Variants in PDXDC1 observed in about 807,000 individuals in gnomAD.
PDXDC1 encodes the protein pyridoxal-dependent decarboxylase domain-containing protein 1.
In PDXDC1, 42 loss-of-function variants were observed where a neutral mutation model predicts 100.1. That is an observed-to-expected ratio of 0.42 (90% CI 0.33 to 0.54). The LOEUF (loss-of-function observed/expected upper bound fraction) is 0.54. PDXDC1 is among the 20% of genes least tolerant of loss of function. The pLI is 0.10. For missense variants in PDXDC1, 636 were observed against 979.2 expected, an observed-to-expected ratio of 0.65 and a Z score of 4.68; for synonymous variants, 260 against 371.7, an observed-to-expected ratio of 0.70 and a Z score of 3.46.
In PDXDC1 at chr16:14,975,163, G is replaced by T. The variant is rs1966603404; in HGVS notation, c.-37G>T. 2.1e-6 allele frequency: 3 copies of T among 1,461,594 alleles called. No homozygotes were observed. The highest frequency in any genetic ancestry group is 2.7e-5 in the East Asian group (1 of 37,088). 90.5% of individuals were successfully genotyped at this position (1,461,594 alleles called of 1,614,324 possible). A position where few individuals can be genotyped will look rare whatever the true frequency, so the allele number is the denominator to read the frequency against. On this transcript the variant is annotated 5_prime_UTR_variant, in exon 1 of 23. Coordinates refer to ENST00000396410, the MANE Select transcript of PDXDC1 (RefSeq NM_015027.4). ...GCGGGGCGCGGGAGGAGGAAGTAGA[G>T]CCCGGGACCGCCAGGCCACCACCGG...
intron 2 of PDXDC1, 68 bp from the exon 3 acceptor site, chr16:14,998,272 G>C: frequency 6.6e-7 from 1 of 1,523,320 alleles, no homozygotes; most frequent in Non-Finnish European, 9.0e-7. Context: ...GGTCATGTTT[G>C]CATATTCAGG....
At chr16:15,143,470 G>T (rs1323266247), downstream of PDXDC1, among the ~76,000 whole-genome samples, 1 of 152,186 alleles carries the variant, frequency 6.6e-6, no homozygotes, top group Non-Finnish European at 1.5e-5. Flanking sequence ...CCCGCCACCC[G>T]GGCGTGTGAA....
intron 16 of PDXDC1, among the ~76,000 whole-genome samples, chr16:15,101,355 C>A (rs1280040848): frequency 6.6e-6 from 1 of 152,318 alleles, no homozygotes; most frequent in Admixed American, 6.5e-5. Flanking sequence ...CTCGCTCTTT[C>A]ACCCAGGACG....
chr16:15,122,847 G>C (rs1174342213), intron 16 of PDXDC1, among the ~76,000 whole-genome samples: 1 of 126,212 alleles, frequency 7.9e-6, no homozygotes, highest in African/African-American at 3.0e-5. Context: ...GGAGGGGAAG[G>C]GGAGGGGAAG....
chr16:15,133,605 C>T (rs1351587765), intron 16 of PDXDC1: 72 of 1,191,204 alleles, frequency 6.0e-5, no homozygotes, highest in Non-Finnish European at 8.5e-5. Context: ...GAGAGGCTGC[C>T]CTTGTAGACA....
At position 14,999,241 on chromosome 16, in the gene PDXDC1, A is replaced by G. The variant is rs201193071; in HGVS notation, c.161+836A>G. Among the ~76,000 whole-genome samples the G allele has an allele frequency of 1.3e-3, 199 of 152,370 alleles. 4 individuals carry two copies. The East Asian group carries it at 0.024, about 19-fold the overall frequency. On this transcript the variant is annotated intron_variant, in intron 3 of 22. Transcript: ENST00000396410. ...ACCACCACGCCCAGCTAATTTTTGTATTTTTAGTAGAGACGGGGTTTCACC... is the reference window on the plus strand; with the variant it reads ...ACCACCACGCCCAGCTAATTTTTGTGTTTTTAGTAGAGACGGGGTTTCACC...
chr16:15,034,495 G>A lies in PDXDC1; in HGVS notation c.1944G>A (p.Leu648=). 1 of 1,614,162 alleles carries A rather than the reference G, an allele frequency of 6.2e-7. No individual in the cohort carries two copies. Among genetic ancestry groups the A allele is most frequent in the Non-Finnish European group, 8.5e-7 (1 of 1,180,036 alleles). ...LRQIPVVGSV[L]NWFSPVQALQ... ...AGATCCCTGTAGTGGGCTCCGTGCT[G>A]AATTGGTTTTCTCCGGTCCAGGCTT... Residue 648 remains leucine (L), a synonymous_variant, in exon 21 of 23, where the codon CTG becomes CTA. Transcript: ENST00000396410.
intron 16 of PDXDC1, among the ~76,000 whole-genome samples, chr16:15,072,023 G>C (rs1200485128): frequency 6.6e-6 from 1 of 152,132 alleles, no homozygotes; most frequent in Non-Finnish European, 1.5e-5. Context: ...CGCACAGCTG[G>C]TATTTGAGTT....
chr16:15,034,383 G>C lies in PDXDC1; in HGVS notation c.1905+5G>C. On this transcript the variant is annotated splice_donor_5th_base_variant and intron_variant, in intron 20 of 22. Transcript: ENST00000396410. ...GAAGAACGGCTTCTGGAAGAGGTGA[G>C]GCCCCCGATGGGCAGCAGGCTGGGG... The C allele has an allele frequency of 1.9e-6, 3 of 1,613,508 alleles. No individual in the cohort carries two copies. Among genetic ancestry groups the C allele is most frequent in the Non-Finnish European group, 2.5e-6 (3 of 1,179,954 alleles).
intron 16 of PDXDC1, among the ~76,000 whole-genome samples, chr16:15,083,201 C>T (rs2045775015): frequency 6.6e-6 from 1 of 152,140 alleles, no homozygotes; most frequent in African/African-American, 2.4e-5. Flanking sequence ...GCGTTCGATA[C>T]CAGTGTGGCC....
intron 16 of PDXDC1, among the ~76,000 whole-genome samples, chr16:15,093,151 C>A (rs778494728): frequency 6.6e-6 from 1 of 152,048 alleles, no homozygotes; most frequent in Non-Finnish European, 1.5e-5. Context: ...ATTACAGGCA[C>A]CTGCCACCAT....
chr16:15,117,289 A>T (rs1474293033), intron 16 of PDXDC1, among the ~76,000 whole-genome samples: 2 of 85,926 alleles, frequency 2.3e-5, no homozygotes, highest in African/African-American at 4.8e-5. Flanking sequence ...ATAAATAAAT[A>T]AAATAATGTA....
intron 1 of PDXDC1, among the ~76,000 whole-genome samples, chr16:14,984,454 A>AGT (rs1247042159): frequency 1.2e-4 from 13 of 110,064 alleles, no homozygotes; most frequent in African/African-American, 3.8e-4. Context: ...AGAGAGAGAG[A>AGT]GTGTGTGTGT....
chr16:15,142,955 G>A (rs565205681), downstream of PDXDC1, among the ~76,000 whole-genome samples: 9 of 152,214 alleles, frequency 5.9e-5, no homozygotes, highest in Non-Finnish European at 5.9e-5. Flanking sequence ...GCTGCCCCAC[G>A]CACTCCTCAC....
chr16:15,111,273 A>G (rs2047047893), intron 16 of PDXDC1, among the ~76,000 whole-genome samples: 2 of 146,444 alleles, frequency 1.4e-5, no homozygotes, highest in South Asian at 4.5e-4. Context: ...CCTCACCAAC[A>G]TGGAGAAACG....
intron 16 of PDXDC1, chr16:15,104,301 G>C (rs2046681109): frequency 2.7e-6 from 4 of 1,494,212 alleles, no homozygotes; most frequent in Non-Finnish European, 3.6e-6. Context: ...AATAACATAA[G>C]GACTGCAGTA....
the PDXDC1 span, among the ~76,000 whole-genome samples, chr16:15,148,370 ATTTTTTTTTTTTTT>A: frequency 2.0e-3 from 67 of 34,114 alleles, no homozygotes; most frequent in African/African-American, 2.8e-3. Flanking sequence ...AGATCCTGTG[ATTTTTTTTTTTTTT>A]TTTTTTTTTT....
At chr16:15,002,050 A>G (rs1973279395) in intron 4 of PDXDC1, among the ~76,000 whole-genome samples, 194 bp downstream of exon 4, 1 of 152,298 alleles carries the variant, frequency 6.6e-6, no homozygotes, top group Non-Finnish European at 1.5e-5. Flanking sequence ...TATTGAAATT[A>G]GATCCCATAG....
At position 14,985,062 on chromosome 16, in the gene PDXDC1, ATGG is replaced by A. The variant is rs1969016436; in HGVS notation, c.21+9843_21+9845del. Among the ~76,000 whole-genome samples the A allele has an allele frequency of 5.9e-5, 3 of 50,434 alleles. No homozygotes were observed. In the South Asian group the frequency reaches 2.6e-3, roughly 44 times the overall value. 33.1% of individuals were successfully genotyped at this position (50,434 alleles called of 152,430 possible). The stretch of plus-strand genomic sequence containing the variant: ...ACTAGTTTTTGTATTTTTAGTAGAG[ATGG>A]ATGGGGTTTTACCATCTTGGCCAGG... On this transcript the variant is annotated intron_variant, in intron 1 of 22. Coordinates refer to ENST00000396410, the MANE Select transcript of PDXDC1 (RefSeq NM_015027.4).
Sources: gnomAD v4.1 joint callset for allele counts (sites outside exome capture counted in the v4.1 genomes callset) on GRCh38, gnomAD v4.1.1 for gene constraint, MANE v1.5 for transcripts, NCBI Gene and HGNC (gene_info 2026-07-23, HGNC 2026-07-21) for gene names.